Variants in DMD observed in about 807,000 individuals in gnomAD.
DMD encodes the protein dystrophin.
In DMD, 63 loss-of-function variants were observed where a neutral mutation model predicts 330.1. That is an observed-to-expected ratio of 0.19 (90% CI 0.16 to 0.24). DMD has a LOEUF of 0.24. Among genes scored for constraint, DMD ranks in the 10% least tolerant of loss-of-function variants. The pLI, the probability that DMD is intolerant of heterozygous loss-of-function variation, is 1.00. For missense variants in DMD, 3,344 were observed against 2,684.1 expected (o/e 1.25, Z -5.43); for synonymous variants, 1,223 against 959.8 (o/e 1.27, Z -5.07).
intron 7 of DMD, among the ~76,000 whole-genome samples, chrX:32,782,714 A>G (rs1298318897): frequency 9.1e-6 from 1 of 110,221 alleles, no homozygotes; most frequent in African/African-American, 3.3e-5. Flanking sequence ...CAATAGGGTG[A>G]ATATAGTCAA....
intron 44 of DMD, among the ~76,000 whole-genome samples, chrX:32,000,681 G>A (rs1376048744): frequency 1.8e-5 from 2 of 111,697 alleles, no homozygotes; most frequent in African/African-American, 6.5e-5. Context: ...GCGTTATAAT[G>A]TATCATATTA....
At chrX:32,546,407 C>T (rs765278811) in intron 16 of DMD, among the ~76,000 whole-genome samples, 3 of 109,515 alleles carry the variant, frequency 2.7e-5, no homozygotes, top group East Asian at 5.7e-4. Context: ...TAGCAATTTT[C>T]CTGAATTTGC....
intron 12 of DMD, among the ~76,000 whole-genome samples, chrX:32,599,504 T>G (rs919026734): frequency 8.9e-6 from 1 of 112,139 alleles, no homozygotes; most frequent in South Asian, 3.7e-4. Context: ...TGACTTCTTA[T>G]GGATTTCAAT....
At chrX:31,776,027 A>G (rs1351574590) in intron 50 of DMD, among the ~76,000 whole-genome samples, 1 of 112,370 alleles carries the variant, frequency 8.9e-6, no homozygotes, top group Non-Finnish European at 1.9e-5. Flanking sequence ...CTCTTTCTAG[A>G]AAGAATTAAA....
chrX:32,864,177 G>A (rs938734820), intron 2 of DMD, among the ~76,000 whole-genome samples: 2 of 108,995 alleles, frequency 1.8e-5, no homozygotes, highest in Non-Finnish European at 1.9e-5. Context: ...TACACACATC[G>A]ACTGGTTTAT....
intron 44 of DMD, among the ~76,000 whole-genome samples, chrX:32,035,774 A>G (rs2095938692): frequency 9.0e-6 from 1 of 111,488 alleles, no homozygotes; most frequent in Admixed American, 9.6e-5. Flanking sequence ...CAGATAAAGT[A>G]GGAATGGGAG....
chrX:31,195,054 G>T (rs1291646015), intron 67 of DMD, among the ~76,000 whole-genome samples: 1 of 112,056 alleles, frequency 8.9e-6, no homozygotes, highest in African/African-American at 3.2e-5. Flanking sequence ...AGTTGTCTTT[G>T]TGAGACAAGA....
intron 54 of DMD, among the ~76,000 whole-genome samples, chrX:31,640,577 C>T (rs964560694): frequency 4.5e-5 from 5 of 112,049 alleles, no homozygotes; most frequent in East Asian, 2.8e-4. Context: ...CTTTGGTAAA[C>T]GGTGCATTAA....
At chrX:32,096,938 C>A (rs763256797) in intron 44 of DMD, among the ~76,000 whole-genome samples, 2 of 111,474 alleles carry the variant, frequency 1.8e-5, no homozygotes, top group African/African-American at 6.5e-5. Flanking sequence ...ACTAGAATAA[C>A]GACAGCTTTA....
intron 1 of DMD, among the ~76,000 whole-genome samples, chrX:33,152,526 G>A (rs147725513): frequency 0.03 from 3,263 of 107,268 alleles, 128 homozygotes; most frequent in African/African-American, 0.1. Context: ...AGCCACACAC[G>A]GAGTTTGTGA....
intron 44 of DMD, among the ~76,000 whole-genome samples, chrX:32,169,401 A>G (rs1260164390): frequency 8.9e-6 from 1 of 111,826 alleles, no homozygotes; most frequent in Non-Finnish European, 1.9e-5. Flanking sequence ...TGAGGTCCAG[A>G]AGCACAAAGC....
chrX:32,443,298 G>T (rs935714321), intron 27 of DMD, among the ~76,000 whole-genome samples: 1 of 111,038 alleles, frequency 9.0e-6, no homozygotes, highest in Non-Finnish European at 1.9e-5. Context: ...CTGATGAAAA[G>T]TATCAGTCTC....
intron 55 of DMD, among the ~76,000 whole-genome samples, chrX:31,589,566 C>T (rs915078180): frequency 1.8e-5 from 2 of 111,586 alleles, no homozygotes; most frequent in Non-Finnish European, 3.8e-5. Context: ...GCTATAATCA[C>T]TTTCACAGAT....
At chrX:32,619,348 GATATATA>G (rs2057819634) in intron 11 of DMD, among the ~76,000 whole-genome samples, 1 of 110,988 alleles carries the variant, frequency 9.0e-6, no homozygotes, top group South Asian at 3.8e-4. Context: ...CTTTTCAAGG[GATATATA>G]GTCACAGTCA....
chrX:32,292,783 C>T (rs2097478764), intron 42 of DMD, among the ~76,000 whole-genome samples: 1 of 111,981 alleles, frequency 8.9e-6, no homozygotes, highest in African/African-American at 3.2e-5. Flanking sequence ...TAAGATTTCA[C>T]GTTTGTGGTC....
intron 12 of DMD, among the ~76,000 whole-genome samples, chrX:32,606,740 TATAC>T (rs755212843): frequency 0.19 from 12,013 of 61,855 alleles, 721 homozygotes; most frequent in South Asian, 0.27. Context: ...TATATATATA[TATAC>T]ACACACACAT....
At chrX:33,316,219 A>G (rs943742611) in intron 1 of DMD, among the ~76,000 whole-genome samples, 1 of 110,720 alleles carries the variant, frequency 9.0e-6, no homozygotes, top group African/African-American at 3.3e-5. Flanking sequence ...GCTACCAGAG[A>G]CTGTAAAACA....
At chrX:31,787,750 G>C (rs754685463) in intron 50 of DMD, among the ~76,000 whole-genome samples, 2 of 111,769 alleles carry the variant, frequency 1.8e-5, no homozygotes, top group Non-Finnish European at 3.8e-5. Context: ...ATGAATTGCA[G>C]GTATGGAAAA....
intron 7 of DMD, among the ~76,000 whole-genome samples, chrX:32,781,036 T>A (rs1379241707): frequency 1.9e-5 from 2 of 106,317 alleles, no homozygotes; most frequent in Non-Finnish European, 3.9e-5. Flanking sequence ...GAGAATAGCG[T>A]GAACCCGGGA....
Sources: allele counts gnomAD v4.1 joint callset (sites outside exome capture counted in the v4.1 genomes callset), GRCh38; gene constraint gnomAD v4.1.1; transcripts MANE v1.5; gene names NCBI Gene and HGNC (gene_info 2026-07-23, HGNC 2026-07-21).